The following ZNF468 variants were observed in gnomAD, a reference collection of about 807,000 sequenced individuals.
The protein encoded by ZNF468 is zinc finger protein 468.
Under a neutral mutation model 7.2 loss-of-function variants are expected in ZNF468, and 8 were observed. The observed-to-expected ratio is 1.11, with a 90% CI of 0.65 to 2.01. The LOEUF (loss-of-function observed/expected upper bound fraction) is 2.01. ZNF468 is among the 30% of genes most tolerant of loss of function. The probability of loss-of-function intolerance (pLI) is 0.00; values close to 1 mark genes in which losing one functional copy is unlikely to be tolerated. For synonymous variants in ZNF468, 218 were observed against 214.4 expected, an observed-to-expected ratio of 1.02 and a Z score of -0.15; for missense variants, 608 against 626.5, an observed-to-expected ratio of 0.97 and a Z score of 0.31.
intron 1 of ZNF468, among the ~76,000 whole-genome samples, chr19:52,855,355 T>A (rs965480088): frequency 2.6e-5 from 4 of 152,122 alleles, no homozygotes; most frequent in African/African-American, 9.7e-5. Context: ...TTTAGAAACA[T>A]TGAATAAGAG....
chr19:52,842,194 C>A (rs60596790), intron 3 of ZNF468, 43 bp from the exon 4 acceptor site: 1 of 1,485,688 alleles, frequency 6.7e-7, no homozygotes, highest in Non-Finnish European at 9.1e-7. Context: ...TAAGTACAGA[C>A]GGTATATAAT....
At chr19:52,854,136 G>T in intron 2 of ZNF468, 122 bp downstream of exon 2, 1 of 1,592,082 alleles carries the variant, frequency 6.3e-7, no homozygotes, top group South Asian at 1.1e-5. Context: ...ACTGAAGGAA[G>T]GCATAAGTGA....
At chr19:52,850,108 G>A (rs1383699446) in intron 2 of ZNF468, among the ~76,000 whole-genome samples, 1 of 152,076 alleles carries the variant, frequency 6.6e-6, no homozygotes, top group African/African-American at 2.4e-5. Context: ...ATATGTATAT[G>A]TGTGTGCATG....
intron 1 of ZNF468, 48 bp from the exon 2 acceptor site, chr19:52,854,393 C>T (rs1249035486): frequency 2.6e-6 from 4 of 1,532,940 alleles, no homozygotes; most frequent in East Asian, 4.5e-5. Flanking sequence ...AACACACCCC[C>T]TCCCTTAACA....
intron 3 of ZNF468, among the ~76,000 whole-genome samples, chr19:52,843,297 G>A (rs1220319918): frequency 2.0e-5 from 3 of 151,910 alleles, no homozygotes; most frequent in Non-Finnish European, 4.4e-5. Context: ...GCGATGGCAC[G>A]ATCTTGGCTC....
chr19:52,850,876 G>A (rs1568681958), intron 2 of ZNF468, among the ~76,000 whole-genome samples: 2 of 151,770 alleles, frequency 1.3e-5, no homozygotes, highest in Admixed American at 6.6e-5. Context: ...TCCAGCCTGG[G>A]CGACAGAGCG....
In ZNF468 at chr19:52,840,753, T is replaced by C. The variant is rs1373805370; in HGVS notation, c.1541A>G (p.His514Arg). Residue 514 changes from histidine to arginine, a missense_variant, in exon 4 of 4, where the codon CAT becomes CGT. Transcript: ENST00000595646. ...AGGCTTCTCTCCACTATGAAGCCTA[T>C]GATGGTATACAAGGGATGACATCTG... ...FSQMSSLVYH[H>R]RLHSGEKP 6.2e-7 allele frequency: 1 copy of C among 1,613,926 alleles called. No homozygotes were observed.
intron 2 of ZNF468, among the ~76,000 whole-genome samples, chr19:52,850,555 A>G (rs2063378613): frequency 6.6e-6 from 1 of 152,108 alleles, no homozygotes; most frequent in Non-Finnish European, 1.5e-5. Flanking sequence ...AACAACAGAC[A>G]CTGCAGTCTA....
intron 2 of ZNF468, among the ~76,000 whole-genome samples, chr19:52,850,826 GAGGTGGAGCTTGCAGT>G (rs2063383117): frequency 6.6e-6 from 1 of 151,898 alleles, no homozygotes; most frequent in African/African-American, 2.4e-5. Context: ...GTGAACCCGG[GAGGTGGAGCTTGCAGT>G]GAGCCGAGAT....
At position 52,839,433 on chromosome 19, in the gene ZNF468, A is replaced by G. The variant is rs2063276092; in HGVS notation, c.*1292T>C. 2 of 395,500 alleles carry G rather than the reference A, an allele frequency of 5.1e-6. No individual in the cohort carries two copies. Among genetic ancestry groups the G allele is most frequent in the Non-Finnish European group, 1.0e-5 (2 of 197,632 alleles). 24.5% of individuals were successfully genotyped at this position (395,500 alleles called of 1,614,324 possible). Reference sequence around the variant, plus strand: ...TCTTAACATAAACAGTTTAATGGCAATTAATGCTTGAAATCAATGTTAAAT... The same window carrying G: ...TCTTAACATAAACAGTTTAATGGCAGTTAATGCTTGAAATCAATGTTAAAT... On this transcript the variant is annotated 3_prime_UTR_variant, in exon 4 of 4. Coordinates refer to ENST00000595646, the MANE Select transcript of ZNF468 (RefSeq NM_001008801.2).
intron 2 of ZNF468, among the ~76,000 whole-genome samples, chr19:52,851,207 C>G (rs900992061): frequency 1.3e-5 from 2 of 151,628 alleles, no homozygotes; most frequent in Admixed American, 1.3e-4. Flanking sequence ...ACTTGGGAGG[C>G]AGAGGTTGCA....
intron 3 of ZNF468, among the ~76,000 whole-genome samples, chr19:52,843,474 C>A (rs768841426): frequency 1.3e-5 from 2 of 152,046 alleles, no homozygotes; most frequent in Non-Finnish European, 2.9e-5. Flanking sequence ...CTCAGGTGAT[C>A]CACATGTCTT....
At chr19:52,853,112 C>A (rs2063404234) in intron 2 of ZNF468, among the ~76,000 whole-genome samples, 1 of 152,082 alleles carries the variant, frequency 6.6e-6, no homozygotes, top group South Asian at 2.1e-4. Context: ...ACCTCAGCCT[C>A]CCAAAGTGCT....
intron 1 of ZNF468, among the ~76,000 whole-genome samples, chr19:52,856,018 T>C (rs2063435352): frequency 6.6e-6 from 1 of 152,212 alleles, no homozygotes. Flanking sequence ...TTCTTAAAAT[T>C]AGAGAAGCAT....
intron 3 of ZNF468, among the ~76,000 whole-genome samples, chr19:52,843,669 C>T (rs1288484144): frequency 6.6e-6 from 1 of 152,068 alleles, no homozygotes; most frequent in Non-Finnish European, 1.5e-5. Context: ...ATAATAAGTA[C>T]ATTTATACAG....
chr19:52,842,905 C>G (rs2063317034), intron 3 of ZNF468, among the ~76,000 whole-genome samples: 1 of 148,484 alleles, frequency 6.7e-6, no homozygotes, highest in African/African-American at 2.5e-5. Context: ...AGGTGGATCA[C>G]CTCAGGTCAG....
chr19:52,849,937 C>G (rs1253858045), intron 2 of ZNF468, among the ~76,000 whole-genome samples: 1 of 151,772 alleles, frequency 6.6e-6, no homozygotes, highest in African/African-American at 2.4e-5. Context: ...CAAAATTACT[C>G]AAAGTACAAA....
At chr19:52,842,227 GAA>G (rs142157651) in intron 3 of ZNF468, 76 bp from the exon 4 acceptor site, 2 of 1,239,088 alleles carry the variant, frequency 1.6e-6, no homozygotes, top group Non-Finnish European at 2.2e-6. Context: ...AAATATCACA[GAA>G]AAAAAACAAT....
rs1294251954 is a variant in ZNF468, at chr19:52,838,865, T to C, written c.*1860A>G. The C allele has an allele frequency of 1.3e-5, 2 of 152,066 alleles. No individual in the cohort carries two copies. Among genetic ancestry groups the C allele is most frequent in the East Asian group, 1.9e-4 (1 of 5,188 alleles). 9.4% of individuals were successfully genotyped at this position (152,066 alleles called of 1,614,324 possible). ...TAAATAGATATAAATCCCATACTGA[T>C]TGGAAAAATGAATATCGCTCAATGA... On this transcript the variant is annotated 3_prime_UTR_variant, in exon 4 of 4. Coordinates refer to ENST00000595646, the MANE Select transcript of ZNF468 (RefSeq NM_001008801.2).
Sources: allele counts gnomAD v4.1 joint callset (sites outside exome capture counted in the v4.1 genomes callset), GRCh38; gene constraint gnomAD v4.1.1; transcripts MANE v1.5; gene names NCBI Gene and HGNC (gene_info 2026-07-23, HGNC 2026-07-21).